Variants in PCDH19 observed in about 807,000 individuals in gnomAD.
PCDH19 encodes protocadherin-19.
A neutral mutation model predicts 46.2 loss-of-function variants in PCDH19; 6 were observed. That is an observed-to-expected ratio of 0.13 (90% CI 0.07 to 0.26). PCDH19 has a LOEUF of 0.26. PCDH19 is among the 10% of genes least tolerant of loss of function. The pLI, the probability that PCDH19 is intolerant of heterozygous loss-of-function variation, is 1.00. For missense variants in PCDH19, 740 were observed against 972.3 expected (o/e 0.76, Z 3.18); for synonymous variants, 481 against 415.7 (o/e 1.16, Z -1.91).
At chrX:100,369,354 A>G (rs1181731316) in intron 3 of PCDH19, among the ~76,000 whole-genome samples, 2 of 111,538 alleles carry the variant, frequency 1.8e-5, no homozygotes, top group Admixed American at 9.6e-5. Context: ...AGTGGTGAGC[A>G]TCTGTTTTTT....
chrX:100,376,021 G>A (rs1226715308), intron 3 of PCDH19, among the ~76,000 whole-genome samples: 2 of 110,849 alleles, frequency 1.8e-5, no homozygotes, highest in African/African-American at 6.6e-5. Flanking sequence ...TGGATCACCT[G>A]AGGTCAGGAG....
rs187041176 is a variant in PCDH19 at position 100,299,068 on chromosome X, T to C, written c.2849-2193A>G. ...AGTTGCAGGTGGGGGAAAAGTTCAA[T>C]AAATTATTTCCATTTCTACAAATCA... On this transcript the variant is annotated intron_variant, in intron 5 of 5. Coordinates refer to ENST00000373034, the MANE Select transcript of PCDH19 (RefSeq NM_001184880.2). 2.7e-3 allele frequency among the ~76,000 whole-genome samples: 299 copies of C among 111,493 alleles called. 1 individual carries two copies. The highest frequency in any genetic ancestry group is 0.012 in the South Asian group (32 of 2,605).
Position 100,318,801 on chromosome X carries a change from C to T in PCDH19, c.2849-21926G>A, listed in dbSNP as rs534339001. Among the ~76,000 whole-genome samples, 3 of 110,629 alleles carry T rather than the reference C, an allele frequency of 2.7e-5. No individual in the cohort carries two copies. The South Asian group carries it at 1.2e-3, about 43-fold the overall frequency. ...CCAAGGAGAATACTGGATGCCTATG[C>T]TCCCAAATGGAGGGGAAGGTGCACG... On this transcript the variant is annotated intron_variant, in intron 5 of 5. Coordinates refer to ENST00000373034, the MANE Select transcript of PCDH19 (RefSeq NM_001184880.2).
rs772614756 is a variant in PCDH19, at chrX:100,362,480, C to T, written c.2617-11776G>A. Among the ~76,000 whole-genome samples the T allele has an allele frequency of 1.1e-4, 12 of 110,727 alleles. No individual in the cohort carries two copies. The South Asian group carries it at 2.3e-3, about 21-fold the overall frequency. ...TTTTTAAATGTTGGTTCCTGGTAGA[C>T]CCAGCTTCATTTAGGGTCAAAAGTT... On this transcript the variant is annotated intron_variant, in intron 3 of 5. Coordinates refer to ENST00000373034, the MANE Select transcript of PCDH19 (RefSeq NM_001184880.2).
intron 5 of PCDH19, among the ~76,000 whole-genome samples, chrX:100,330,977 A>G (rs981664414): frequency 6.2e-5 from 7 of 112,298 alleles, no homozygotes. Flanking sequence ...GGCCGCCTCA[A>G]TGTGACAAAA....
chrX:100,325,166 T>TAGATAGATAGAC (rs1169579190), intron 5 of PCDH19, among the ~76,000 whole-genome samples: 1 of 55,366 alleles, frequency 1.8e-5, no homozygotes, highest in East Asian at 3.6e-4. Context: ...GATAGATAGA[T>TAGATAGATAGAC]AGACAGATAG....
At chrX:100,300,913 CAAAAAAAA>C (rs373692507) in intron 5 of PCDH19, among the ~76,000 whole-genome samples, 1 of 83,324 alleles carries the variant, frequency 1.2e-5, no homozygotes, top group South Asian at 6.5e-4. Flanking sequence ...AACCCCTGGC[CAAAAAAAA>C]AAAAAAAATT....
At chrX:100,371,022 T>G (rs6620873) in intron 3 of PCDH19, among the ~76,000 whole-genome samples, 1 of 102,654 alleles carries the variant, frequency 9.7e-6, no homozygotes, top group African/African-American at 3.4e-5. Context: ...TGTGTGTGTG[T>G]GTGGGTGTGT....
At chrX:100,362,779 A>G (rs1389710081) in intron 3 of PCDH19, among the ~76,000 whole-genome samples, 1 of 104,916 alleles carries the variant, frequency 9.5e-6, no homozygotes, top group Non-Finnish European at 2.0e-5. Flanking sequence ...CCTGGGAGAC[A>G]GAGCGAGACT....
intron 3 of PCDH19, among the ~76,000 whole-genome samples, chrX:100,376,568 T>A (rs1927392747): frequency 8.9e-6 from 1 of 112,478 alleles, no homozygotes; most frequent in Non-Finnish European, 1.9e-5. Context: ...AGCTTCAGAC[T>A]ATGCTAGGAG....
intron 4 of PCDH19, among the ~76,000 whole-genome samples, chrX:100,346,656 A>G (rs1926410028): frequency 8.9e-6 from 1 of 112,536 alleles, no homozygotes; most frequent in African/African-American, 3.2e-5. Flanking sequence ...TTTATTATAT[A>G]CAAGGCACCA....
rs1569291909 is a variant in PCDH19, at chrX:100,322,867, T to TATATATA, written c.2848+19035_2848+19036insTATATAT. Among the ~76,000 whole-genome samples, 16 of 38,421 alleles carry TATATATA rather than the reference T, an allele frequency of 4.2e-4. No homozygotes were observed. The East Asian group carries it at 6.1e-3, about 15-fold the overall frequency. 33.4% of individuals were successfully genotyped at this position (38,421 alleles called of 115,157 possible). A position where few individuals can be genotyped will look rare whatever the true frequency, so the allele number is the denominator to read the frequency against. On this transcript the variant is annotated intron_variant, in intron 5 of 5. Coordinates refer to ENST00000373034, the MANE Select transcript of PCDH19 (RefSeq NM_001184880.2). ...TATATATATATATATATATATATAT[T>TATATATA]TTTGCAGCTATTGTAAAAGGGGTTG...
chrX:100,296,151 A>T lies in PCDH19; in HGVS notation c.*126T>A. On this transcript the variant is annotated 3_prime_UTR_variant, in exon 6 of 6. Coordinates refer to ENST00000373034, the MANE Select transcript of PCDH19 (RefSeq NM_001184880.2). Reference sequence around the variant, plus strand: ...ACAGAATGATAATCACCTATAAACAATACATTTAGGAAAAGCTCTGAAATA... The same window carrying T: ...ACAGAATGATAATCACCTATAAACATTACATTTAGGAAAAGCTCTGAAATA... 1 of 576,526 alleles carries T rather than the reference A, an allele frequency of 1.7e-6. No individual in the cohort carries two copies. The allele number at this position is 576,526 out of a possible 1,213,427, so 47.5% of individuals were successfully genotyped here.
At chrX:100,335,595 C>T (rs758187768) in intron 5 of PCDH19, among the ~76,000 whole-genome samples, 1 of 111,751 alleles carries the variant, frequency 8.9e-6, no homozygotes, top group Admixed American at 9.5e-5. Context: ...TTTAATGGCC[C>T]CAAAATCTAT....
Position 100,293,394 on chromosome X carries a change from G to A in PCDH19, c.*2883C>T, listed in dbSNP as rs1308209837. 9.2e-6 allele frequency: 1 copy of A among 108,890 alleles called. No homozygotes were observed. The highest frequency in any genetic ancestry group is 1.9e-5 in the Non-Finnish European group (1 of 52,700). 9.0% of individuals were successfully genotyped at this position (108,890 alleles called of 1,213,427 possible). On this transcript the variant is annotated 3_prime_UTR_variant, in exon 6 of 6. Coordinates refer to ENST00000373034, the MANE Select transcript of PCDH19 (RefSeq NM_001184880.2). ...TAGAACTCCCTAGGACTTAGGAACC[G>A]AAATCACTCCCTTGAGTTTATGTGT...
At position 100,355,293 on chromosome X, in the gene PCDH19, A is replaced by T. The variant is rs757951530; in HGVS notation, c.2617-4589T>A. On this transcript the variant is annotated intron_variant, in intron 3 of 5. Coordinates refer to ENST00000373034, the MANE Select transcript of PCDH19 (RefSeq NM_001184880.2). ...AATAGGGTATAAAAAACATAATTTA[A>T]CCACTTATTGGTTACTTAGGAGCAT... 4.5e-5 allele frequency among the ~76,000 whole-genome samples: 5 copies of T among 111,494 alleles called. No individual in the cohort carries two copies. In the South Asian group the frequency reaches 1.9e-3, roughly 42 times the overall value.
Position 100,296,318 on chromosome X carries a change from C to G in PCDH19, c.3406G>C (p.Glu1136Gln). The G allele has an allele frequency of 1.7e-6, 2 of 1,211,587 alleles. No individual in the cohort carries two copies. Among genetic ancestry groups the G allele is most frequent in the Non-Finnish European group, 2.2e-6 (2 of 895,289 alleles). ...SPILKEGRNKESPGVKRLKDI... is the reference protein window; with the variant it reads ...SPILKEGRNKQSPGVKRLKDI... ...TTCAGACGCTTCACACCAGGGGACTCTTTGTTGCGACCTTCCTTCAGAATG... is the reference window on the plus strand; with the variant it reads ...TTCAGACGCTTCACACCAGGGGACTGTTTGTTGCGACCTTCCTTCAGAATG... The change falls in exon 6 of 6, where the codon GAG becomes CAG. Residue 1136 changes from glutamate to glutamine, a missense_variant. Coordinates refer to ENST00000373034, the MANE Select transcript of PCDH19 (RefSeq NM_001184880.2).
chrX:100,387,850 G>A (rs1286400976), intron 3 of PCDH19, among the ~76,000 whole-genome samples: 6 of 111,407 alleles, frequency 5.4e-5, no homozygotes, highest in Non-Finnish European at 7.6e-5. Flanking sequence ...CCTTCTGAGA[G>A]AGACCTCCAA....
intron 3 of PCDH19, among the ~76,000 whole-genome samples, chrX:100,389,101 A>T (rs1431762842): frequency 9.0e-6 from 1 of 110,941 alleles, no homozygotes; most frequent in Non-Finnish European, 1.9e-5. Context: ...GGTATTGTTT[A>T]AAAGTCCTCT....
Sources: gnomAD v4.1 joint callset for allele counts (sites outside exome capture counted in the v4.1 genomes callset) on GRCh38, gnomAD v4.1.1 for gene constraint, MANE v1.5 for transcripts, NCBI Gene and HGNC (gene_info 2026-07-23, HGNC 2026-07-21) for gene names.